KIFAP3: variants seen among roughly 807,000 people sequenced by gnomAD.
KIFAP3 encodes the protein kinesin-associated protein 3.
Under a neutral mutation model 106.5 loss-of-function variants are expected in KIFAP3, and 68 were observed. The observed-to-expected ratio is 0.64, with a 90% confidence interval of 0.53 to 0.78. The LOEUF is 0.78. Among genes scored for constraint, KIFAP3 ranks in the 30% least tolerant of loss-of-function variants. The pLI, the probability that KIFAP3 is intolerant of heterozygous loss-of-function variation, is 0.00. For synonymous variants in KIFAP3, 320 were observed against 311.5 expected (o/e 1.03, Z -0.29); for missense variants, 780 against 941.8 (o/e 0.83, Z 2.25).
intron 2 of KIFAP3, among the ~76,000 whole-genome samples, chr1:170,052,803 T>TA (rs1670644444): frequency 6.6e-6 from 1 of 152,178 alleles, no homozygotes; most frequent in Non-Finnish European, 1.5e-5. Flanking sequence ...CTTTTTATGT[T>TA]AAAAACTCTC....
intron 11 of KIFAP3, among the ~76,000 whole-genome samples, chr1:169,990,703 C>T (rs1049610151): frequency 2.0e-5 from 3 of 151,890 alleles, no homozygotes; most frequent in African/African-American, 7.2e-5. Flanking sequence ...AATCTCTACC[C>T]TTATAACATA....
intron 8 of KIFAP3, among the ~76,000 whole-genome samples, chr1:170,027,160 T>C (rs940724343): frequency 4.0e-5 from 6 of 151,790 alleles, no homozygotes; most frequent in African/African-American, 1.5e-4. Flanking sequence ...GCTGGGATTA[T>C]AGGCATCCAC....
At chr1:170,074,828 G>C (rs1312392083), upstream of KIFAP3, 11 of 1,037,610 alleles carry the variant, frequency 1.1e-5, no homozygotes, top group African/African-American at 9.7e-5. Flanking sequence ...TTGAGCGTCC[G>C]TGTATAAGGA....
chr1:169,977,933 C>A lies in KIFAP3; in HGVS notation c.1897+152G>T, dbSNP rs1666313966. The A allele has an allele frequency of 8.1e-6, 5 of 620,138 alleles. No individual in the cohort carries two copies. The East Asian group carries it at 1.4e-4, about 18-fold the overall frequency. The allele number at this position is 620,138 out of a possible 1,614,324, so 38.4% of individuals were successfully genotyped here. On this transcript the variant is annotated intron_variant, in intron 16 of 19. Transcript: ENST00000361580. The stretch of plus-strand genomic sequence containing the variant: ...CTATATACTGATTTGGGGTCAACAG[C>A]TTCCATGGAAAATAGGTTATCTTGT...
intron 3 of KIFAP3, among the ~76,000 whole-genome samples, chr1:170,040,280 T>G (rs983622906): frequency 6.6e-6 from 1 of 152,154 alleles, no homozygotes; most frequent in Non-Finnish European, 1.5e-5. Flanking sequence ...GCTTACCAAG[T>G]AAAAGAGTTT....
intron 19 of KIFAP3, among the ~76,000 whole-genome samples, chr1:169,953,124 A>G (rs993687471): frequency 6.6e-6 from 1 of 152,160 alleles, no homozygotes; most frequent in Non-Finnish European, 1.5e-5. Flanking sequence ...ACCTCTAGGA[A>G]TGATATGAAG....
At position 170,001,486 on chromosome 1, in the gene KIFAP3, C is replaced by T. The variant is rs1012868119; in HGVS notation, c.1184-9231G>A. Reference sequence around the variant, plus strand: ...TCAAGCAATCTTGATATGAGTCTACCTCACCCTGACGGCGAGACATGTGCT... The same window carrying T: ...TCAAGCAATCTTGATATGAGTCTACTTCACCCTGACGGCGAGACATGTGCT... On this transcript the variant is annotated intron_variant, in intron 10 of 19. Coordinates refer to ENST00000361580, the MANE Select transcript of KIFAP3 (RefSeq NM_014970.4). Among the ~76,000 whole-genome samples, 3 of 152,078 alleles carry T rather than the reference C, an allele frequency of 2.0e-5. No homozygotes were observed. In the South Asian group the frequency reaches 6.2e-4, roughly 31 times the overall value.
chr1:170,048,719 A>T (rs76826164), intron 2 of KIFAP3, among the ~76,000 whole-genome samples: 10,859 of 151,692 alleles, frequency 0.072, 439 homozygotes, highest in Non-Finnish European at 0.095. Flanking sequence ...GGGCGTCGCT[A>T]CACCCAGGAA....
chr1:170,017,409 T>C (rs541801436), intron 9 of KIFAP3, among the ~76,000 whole-genome samples: 1 of 141,186 alleles, frequency 7.1e-6, no homozygotes, highest in Non-Finnish European at 1.6e-5. Flanking sequence ...AGGAATAAAG[T>C]AAAAAAAAAA....
chr1:169,975,241 T>C (rs181735721), intron 16 of KIFAP3, among the ~76,000 whole-genome samples: 14 of 152,238 alleles, frequency 9.2e-5, no homozygotes, highest in African/African-American at 2.9e-4. Context: ...TCAATTCTTA[T>C]GTGATTGAGT....
At chr1:170,027,756 A>C (rs1669191473) in intron 8 of KIFAP3, among the ~76,000 whole-genome samples, 1 of 152,124 alleles carries the variant, frequency 6.6e-6, no homozygotes, top group Admixed American at 6.5e-5. Flanking sequence ...TAATAACAGA[A>C]ACATTTCCAA....
At chr1:169,993,955 T>C (rs1034477747) in intron 10 of KIFAP3, among the ~76,000 whole-genome samples, 2 of 152,204 alleles carry the variant, frequency 1.3e-5, no homozygotes, top group Non-Finnish European at 2.9e-5. Context: ...TACCATTTGA[T>C]ATATTTATCT....
chr1:169,939,124 A>C (rs1173958705), intron 19 of KIFAP3, among the ~76,000 whole-genome samples: 1 of 152,208 alleles, frequency 6.6e-6, no homozygotes, highest in Non-Finnish European at 1.5e-5. Flanking sequence ...CTGTGGAAAA[A>C]ATGAAGCAGA....
chr1:170,008,053 A>C (rs1668060825), intron 10 of KIFAP3, among the ~76,000 whole-genome samples: 1 of 152,002 alleles, frequency 6.6e-6, no homozygotes, highest in Non-Finnish European at 1.5e-5. Context: ...TGTTGGGAAA[A>C]CTGGCTAGCC....
chr1:170,010,125 T>C (rs1029871849), intron 10 of KIFAP3, among the ~76,000 whole-genome samples: 2 of 151,962 alleles, frequency 1.3e-5, no homozygotes, highest in African/African-American at 4.8e-5. Context: ...CAGAAATAAA[T>C]TTAGTATCCT....
intron 19 of KIFAP3, among the ~76,000 whole-genome samples, chr1:169,949,194 T>A (rs1664605025): frequency 6.6e-6 from 1 of 151,870 alleles, no homozygotes; most frequent in South Asian, 2.1e-4. Context: ...TAATATATAA[T>A]ACATATAATG....
chr1:169,978,616 T>G (rs1316564323), intron 15 of KIFAP3, among the ~76,000 whole-genome samples: 1 of 152,040 alleles, frequency 6.6e-6, no homozygotes, highest in East Asian at 1.9e-4. Flanking sequence ...AGTAAAAAAG[T>G]TACATAATCA....
chr1:170,039,333 GT>G, intron 3 of KIFAP3, 45 bp from the exon 4 acceptor site: 2 of 1,086,510 alleles, frequency 1.8e-6, no homozygotes, highest in Non-Finnish European at 2.7e-6. Flanking sequence ...GGTTTTTAGG[GT>G]TTCTAGGTAA....
At chr1:170,001,402 G>C (rs1176535617) in intron 10 of KIFAP3, among the ~76,000 whole-genome samples, 2 of 152,076 alleles carry the variant, frequency 1.3e-5, no homozygotes, top group African/African-American at 2.4e-5. Flanking sequence ...AAGAAAAAAG[G>C]CTTCTTGATT....
Sources: allele counts gnomAD v4.1 joint callset (sites outside exome capture counted in the v4.1 genomes callset), GRCh38; gene constraint gnomAD v4.1.1; transcripts MANE v1.5; gene names NCBI Gene and HGNC (gene_info 2026-07-23, HGNC 2026-07-21).